Variants in CACNA2D3 observed in about 807,000 individuals in gnomAD.
The protein encoded by CACNA2D3 is voltage-dependent calcium channel subunit alpha-2/delta-3.
CACNA2D3 carries 60 observed loss-of-function variants against 160.6 expected under a neutral mutation model. The observed-to-expected ratio is 0.37, with a 90% CI of 0.30 to 0.46. CACNA2D3 has a LOEUF of 0.46. Among genes scored for constraint, CACNA2D3 ranks in the 20% least tolerant of loss-of-function variants. The probability of loss-of-function intolerance (pLI) is 1.00; values close to 1 mark genes in which losing one functional copy is unlikely to be tolerated. For synonymous variants in CACNA2D3, 558 were observed against 492.9 expected (o/e 1.13, Z -1.75); for missense variants, 1,205 against 1,365.0 (o/e 0.88, Z 1.85).
chr3:54,661,350 C>G (rs1471038482), intron 11 of CACNA2D3, among the ~76,000 whole-genome samples: 1 of 152,158 alleles, frequency 6.6e-6, no homozygotes, highest in Non-Finnish European at 1.5e-5. Context: ...TGATGTGTTT[C>G]TATGCCTCAA....
intron 27 of CACNA2D3, among the ~76,000 whole-genome samples, chr3:54,943,988 C>A (rs1330212186): frequency 6.6e-6 from 1 of 152,180 alleles, no homozygotes; most frequent in African/African-American, 2.4e-5. Context: ...TCATTCCATG[C>A]CTTCGTTTCC....
At chr3:54,194,195 A>T (rs990337765) in intron 2 of CACNA2D3, among the ~76,000 whole-genome samples, 1 of 152,194 alleles carries the variant, frequency 6.6e-6, no homozygotes, top group African/African-American at 2.4e-5. Flanking sequence ...AATGTGTTGT[A>T]TATTTCAGAA....
chr3:54,151,640 A>G (rs1049896144), intron 2 of CACNA2D3, among the ~76,000 whole-genome samples: 2 of 152,080 alleles, frequency 1.3e-5, no homozygotes, highest in Admixed American at 1.3e-4. Context: ...ATTAAGAGGG[A>G]TGTTTTGTTG....
intron 9 of CACNA2D3, among the ~76,000 whole-genome samples, chr3:54,587,534 C>A (rs140256886): frequency 6.6e-6 from 1 of 150,680 alleles, no homozygotes; most frequent in Non-Finnish European, 1.5e-5. Context: ...TCCAGCCTGG[C>A]GACAGAGCAA....
intron 35 of CACNA2D3, among the ~76,000 whole-genome samples, chr3:55,024,786 A>G (rs1407316201): frequency 1.3e-5 from 2 of 152,210 alleles, no homozygotes; most frequent in African/African-American, 4.8e-5. Flanking sequence ...CATTCTGCTG[A>G]AATGTGAATA....
At chr3:54,324,925 T>G (rs116113420) in intron 3 of CACNA2D3, among the ~76,000 whole-genome samples, 1 of 151,972 alleles carries the variant, frequency 6.6e-6, no homozygotes, top group Non-Finnish European at 1.5e-5. Flanking sequence ...TCAGAGCTCT[T>G]TGATATTGAT....
intron 2 of CACNA2D3, among the ~76,000 whole-genome samples, chr3:54,131,311 C>T (rs1257551189): frequency 1.3e-5 from 2 of 152,192 alleles, no homozygotes. Flanking sequence ...GATATGCACC[C>T]TTCCCCTAGA....
intron 9 of CACNA2D3, among the ~76,000 whole-genome samples, chr3:54,606,473 T>G (rs751738744): frequency 1.6e-4 from 25 of 152,024 alleles, no homozygotes; most frequent in East Asian, 3.9e-4. Context: ...CGTGGCCAGA[T>G]GCTGGCTCTC....
chr3:54,424,000 C>T (rs1015867395), intron 4 of CACNA2D3, among the ~76,000 whole-genome samples: 1 of 151,844 alleles, frequency 6.6e-6, no homozygotes, highest in African/African-American at 2.4e-5. Context: ...CAAGGGAGCA[C>T]AGCTCAGCCT....
At chr3:54,372,893 G>A (rs9823559) in intron 3 of CACNA2D3, among the ~76,000 whole-genome samples, 20,960 of 152,192 alleles carry the variant, frequency 0.14, 1,524 homozygotes, top group Admixed American at 0.18. Flanking sequence ...CCTTGAATTC[G>A]AGAGGAATGT....
At chr3:54,264,647 T>C (rs994474811) in intron 2 of CACNA2D3, among the ~76,000 whole-genome samples, 2 of 152,250 alleles carry the variant, frequency 1.3e-5, no homozygotes, top group Admixed American at 1.3e-4. Flanking sequence ...TTTAGGTTTG[T>C]AATAGGCTCA....
chr3:55,056,335 G>A (rs990720505), intron 35 of CACNA2D3, among the ~76,000 whole-genome samples: 4 of 152,166 alleles, frequency 2.6e-5, no homozygotes, highest in Admixed American at 1.3e-4. Context: ...GGAGAAAAGC[G>A]AAACTTTGTA....
At chr3:54,717,770 GGTGTGTGTGCATGTGCGTGTGTGGTGTGC>G (rs749043432) in intron 11 of CACNA2D3, among the ~76,000 whole-genome samples, 31,348 of 142,394 alleles carry the variant, frequency 0.22, 3,301 homozygotes, top group Middle Eastern at 0.29. Context: ...GCGTGTGTGT[GGTGTGTGTGCATGTGCGTGTGTGGTGTGC>G]GTGTGTGCGC....
At chr3:55,064,533 A>G (rs113889829) in intron 35 of CACNA2D3, among the ~76,000 whole-genome samples, 1,528 of 152,268 alleles carry the variant, frequency 0.01, 30 homozygotes, top group African/African-American at 0.034. Context: ...CCCTCCTCAC[A>G]GCCCTCCTCT....
Position 54,880,785 on chromosome 3 carries a change from TC to T in CACNA2D3, c.1845-10del. Reference sequence around the variant, plus strand: ...CAGGGATTTCAAGATTTGCTTTGTCTCTCTGCACAGTTTAGGTGTGGCGCTT... The same window carrying T: ...CAGGGATTTCAAGATTTGCTTTGTCTTCTGCACAGTTTAGGTGTGGCGCTT... On this transcript the variant is annotated splice_polypyrimidine_tract_variant and intron_variant, in intron 20 of 37. Transcript: ENST00000474759. The T allele has an allele frequency of 6.2e-7, 1 of 1,612,312 alleles. No individual in the cohort carries two copies. Among genetic ancestry groups the T allele is most frequent in the South Asian group, 1.1e-5 (1 of 91,048 alleles).
chr3:54,608,397 C>G lies in CACNA2D3; in HGVS notation c.964-19390C>G, dbSNP rs546771556. 2.0e-5 allele frequency among the ~76,000 whole-genome samples: 3 copies of G among 152,314 alleles called. 1 individual carries two copies. In the South Asian group the frequency reaches 6.2e-4, roughly 32 times the overall value. On this transcript the variant is annotated intron_variant, in intron 9 of 37. Coordinates refer to ENST00000474759, the MANE Select transcript of CACNA2D3 (RefSeq NM_018398.3). ...ATAATTCCTGAATATTTGCTAGTTT[C>G]CAGCCCTTTGCTCATCTCATTTGAC...
Position 54,266,516 on chromosome 3 carries a change from G to T in CACNA2D3, c.205-53926G>T, listed in dbSNP as rs77630575. 3.7e-3 allele frequency among the ~76,000 whole-genome samples: 567 copies of T among 152,264 alleles called. 7 individuals carry two copies. The East Asian group carries it at 0.045, about 12-fold the overall frequency. On this transcript the variant is annotated intron_variant, in intron 2 of 37. Transcript: ENST00000474759. ...GTTGTGGAGAACACAGGGCCCTCTTGTTGCATGGGTATCTTAGGAACGCAA... is the reference window on the plus strand; with the variant it reads ...GTTGTGGAGAACACAGGGCCCTCTTTTTGCATGGGTATCTTAGGAACGCAA...
chr3:54,635,661 C>G (rs1699354229), intron 10 of CACNA2D3, among the ~76,000 whole-genome samples: 2 of 151,860 alleles, frequency 1.3e-5, no homozygotes, highest in Non-Finnish European at 2.9e-5. Flanking sequence ...ATTGTCCAGT[C>G]CTTTTTGGTG....
chr3:54,424,977 C>T (rs1384230878), intron 4 of CACNA2D3, among the ~76,000 whole-genome samples: 1 of 152,186 alleles, frequency 6.6e-6, no homozygotes, highest in African/African-American at 2.4e-5. Flanking sequence ...GAGAAGGACC[C>T]CTGACCTGTT....
Sources: allele counts gnomAD v4.1 joint callset (sites outside exome capture counted in the v4.1 genomes callset), GRCh38; gene constraint gnomAD v4.1.1; transcripts MANE v1.5; gene names NCBI Gene and HGNC (gene_info 2026-07-23, HGNC 2026-07-21).